The following CADM2 variants were observed in gnomAD, a reference collection of about 807,000 sequenced individuals.
The protein encoded by CADM2 is immunoglobulin superfamily member 4D.
A neutral mutation model predicts 49.8 loss-of-function variants in CADM2; 12 were observed. The ratio of observed to expected loss-of-function variants is 0.24; its 90% CI spans 0.15 to 0.39. CADM2 has a LOEUF of 0.39. Ranked by LOEUF, CADM2 falls within the 10% of genes least tolerant of loss-of-function variation. CADM2 has a pLI of 1.00. For missense variants in CADM2, 378 were observed against 492.3 expected (o/e 0.77, Z 2.20); for synonymous variants, 214 against 175.4 (o/e 1.22, Z -1.74).
intron 1 of CADM2, among the ~76,000 whole-genome samples, chr3:85,234,399 ATC>A (rs1262254789): frequency 6.6e-6 from 1 of 152,066 alleles, no homozygotes; most frequent in African/African-American, 2.4e-5. Context: ...AAACCTCCTA[ATC>A]TCTCTAAATC....
chr3:85,656,504 T>A (rs755326607), intron 1 of CADM2, among the ~76,000 whole-genome samples: 2 of 152,042 alleles, frequency 1.3e-5, no homozygotes, highest in Non-Finnish European at 2.9e-5. Flanking sequence ...TAATCCCAAC[T>A]ACTCGGGAGG....
chr3:85,938,898 G>A (rs1485402689), intron 7 of CADM2, among the ~76,000 whole-genome samples: 1 of 151,864 alleles, frequency 6.6e-6, no homozygotes, highest in East Asian at 1.9e-4. Context: ...TCTTGTAGCT[G>A]TCTTCAATAA....
chr3:85,412,625 G>C (rs2035707962), intron 1 of CADM2, among the ~76,000 whole-genome samples: 1 of 151,292 alleles, frequency 6.6e-6, no homozygotes, highest in Non-Finnish European at 1.5e-5. Flanking sequence ...CTCTAATAAA[G>C]GGACAAGTGG....
At chr3:85,605,028 A>C (rs1038875643) in intron 1 of CADM2, among the ~76,000 whole-genome samples, 1 of 152,086 alleles carries the variant, frequency 6.6e-6, no homozygotes, top group Non-Finnish European at 1.5e-5. Flanking sequence ...AGTTGAAGAC[A>C]CAGCCTAATA....
intron 1 of CADM2, among the ~76,000 whole-genome samples, chr3:85,432,224 C>G (rs1316983584): frequency 6.6e-6 from 1 of 151,834 alleles, no homozygotes; most frequent in Non-Finnish European, 1.5e-5. Context: ...TCAGAAGTAT[C>G]AGTCCATTCA....
At chr3:85,569,701 C>CAAAAAAAA (rs781598979) in intron 1 of CADM2, among the ~76,000 whole-genome samples, 2 of 114,744 alleles carry the variant, frequency 1.7e-5, no homozygotes, top group Non-Finnish European at 3.3e-5. Context: ...TTTCTAATGG[C>CAAAAAAAA]AAAAAAAAAA....
At chr3:85,138,883 A>C (rs1369793470) in intron 1 of CADM2, among the ~76,000 whole-genome samples, 1 of 152,164 alleles carries the variant, frequency 6.6e-6, no homozygotes, top group Non-Finnish European at 1.5e-5. Context: ...GAAGTATAGT[A>C]TTTTATGATT....
intron 1 of CADM2, among the ~76,000 whole-genome samples, chr3:85,276,955 T>G (rs1427602803): frequency 6.6e-6 from 1 of 151,386 alleles, no homozygotes; most frequent in African/African-American, 2.4e-5. Context: ...AATACATGTA[T>G]AAATCCTTTG....
intron 2 of CADM2, among the ~76,000 whole-genome samples, chr3:85,763,445 A>G (rs914203801): frequency 1.3e-5 from 2 of 152,198 alleles, no homozygotes; most frequent in Non-Finnish European, 2.9e-5. Flanking sequence ...ACCCATACAA[A>G]GGTAGCTTTA....
intron 1 of CADM2, among the ~76,000 whole-genome samples, chr3:85,169,027 A>C (rs949939916): frequency 6.6e-6 from 1 of 152,092 alleles, no homozygotes; most frequent in Non-Finnish European, 1.5e-5. Flanking sequence ...ATCTCTGCTC[A>C]CTGCAATCTC....
intron 1 of CADM2, among the ~76,000 whole-genome samples, chr3:85,623,501 A>G (rs1046611663): frequency 2.6e-5 from 4 of 152,132 alleles, no homozygotes; most frequent in African/African-American, 9.7e-5. Flanking sequence ...TAGGAGCCCA[A>G]ATGTAATGAT....
chr3:85,056,057 A>T (rs2107424160), intron 1 of CADM2, among the ~76,000 whole-genome samples: 1 of 152,194 alleles, frequency 6.6e-6, no homozygotes, highest in African/African-American at 2.4e-5. Context: ...GAACAGTAGC[A>T]TTTTTATTCA....
At chr3:85,314,089 C>G (rs544195171) in intron 1 of CADM2, among the ~76,000 whole-genome samples, 3 of 152,076 alleles carry the variant, frequency 2.0e-5, no homozygotes, top group African/African-American at 7.2e-5. Flanking sequence ...GGAGTTTCAC[C>G]GTGTTAGCCA....
intron 1 of CADM2, among the ~76,000 whole-genome samples, chr3:85,173,909 T>C (rs1167193347): frequency 6.6e-6 from 1 of 152,212 alleles, no homozygotes; most frequent in East Asian, 1.9e-4. Context: ...AAGCTTTGTC[T>C]TTTTATATTC....
At chr3:85,974,135 G>A (rs1283095975) in intron 8 of CADM2, among the ~76,000 whole-genome samples, 3 of 151,636 alleles carry the variant, frequency 2.0e-5, no homozygotes, top group South Asian at 2.1e-4. Context: ...ACATGTACAC[G>A]GGTGTCTGCA....
At chr3:85,650,489 T>C (rs1344651864) in intron 1 of CADM2, among the ~76,000 whole-genome samples, 1 of 144,164 alleles carries the variant, frequency 6.9e-6, no homozygotes, top group African/African-American at 2.6e-5. Flanking sequence ...TATACAGATA[T>C]TATATTTTAA....
At chr3:85,288,368 T>C (rs4856562) in intron 1 of CADM2, among the ~76,000 whole-genome samples, 62,013 of 151,938 alleles carry the variant, frequency 0.41, 14,467 homozygotes, top group Admixed American at 0.56. Flanking sequence ...AATTTTCCTG[T>C]ATTATTTCCA....
intron 1 of CADM2, among the ~76,000 whole-genome samples, chr3:85,400,013 C>A (rs2035016131): frequency 6.6e-6 from 1 of 152,190 alleles, no homozygotes; most frequent in Admixed American, 6.5e-5. Context: ...GCGAGGGCAT[C>A]CCTGTCTTGT....
intron 7 of CADM2, among the ~76,000 whole-genome samples, chr3:85,945,622 A>T (rs1053041922): frequency 6.6e-6 from 1 of 152,200 alleles, no homozygotes; most frequent in African/African-American, 2.4e-5. Flanking sequence ...GACTGGTTCA[A>T]CATATGAAAA....
Sources: allele counts gnomAD v4.1 joint callset (sites outside exome capture counted in the v4.1 genomes callset), GRCh38; gene constraint gnomAD v4.1.1; transcripts MANE v1.5; gene names NCBI Gene and HGNC (gene_info 2026-07-23, HGNC 2026-07-21).